IGSF21: variants seen among roughly 807,000 people sequenced by gnomAD.
The protein encoded by IGSF21 is immunoglobulin superfamily member 21.
Under a neutral mutation model 46.8 loss-of-function variants are expected in IGSF21, and 28 were observed. That is an observed-to-expected ratio of 0.60 (90% CI 0.44 to 0.82). The LOEUF (loss-of-function observed/expected upper bound fraction) is 0.82. Among genes scored for constraint, IGSF21 ranks in the 40% least tolerant of loss-of-function variants. IGSF21 has a pLI of 0.00. For missense variants in IGSF21, 624 were observed against 665.5 expected, an observed-to-expected ratio of 0.94 and a Z score of 0.69; for synonymous variants, 284 against 273.6, an observed-to-expected ratio of 1.04 and a Z score of -0.38.
chr1:18,337,084 C>G lies in IGSF21; in HGVS notation c.424+2074C>G, dbSNP rs2085776692. On this transcript the variant is annotated intron_variant, in intron 4 of 9. Coordinates refer to ENST00000251296, the MANE Select transcript of IGSF21 (RefSeq NM_032880.5). This position sits in a 1 kb window ranked among gnomAD's most constrained non-coding sequence, Gnocchi z 5.7. The stretch of plus-strand genomic sequence containing the variant: ...AGATGAGATTTGAGTTGGGACACAG[C>G]CAAACCATATCATGTATCATCAGAG... Among the ~76,000 whole-genome samples, 1 of 152,154 alleles carries G rather than the reference C, an allele frequency of 6.6e-6. No individual in the cohort carries two copies. The highest frequency in any genetic ancestry group is 1.5e-5 in the Non-Finnish European group (1 of 68,022).
chr1:18,204,087 G>A (rs1032907899), intron 1 of IGSF21, among the ~76,000 whole-genome samples: 7 of 152,076 alleles, frequency 4.6e-5, no homozygotes, highest in Admixed American at 6.6e-5. Flanking sequence ...GCCTGGCAGC[G>A]CTTAGCACAT....
At chr1:18,326,579 G>A (rs1361126812) in intron 3 of IGSF21, among the ~76,000 whole-genome samples, 1 of 152,240 alleles carries the variant, frequency 6.6e-6, no homozygotes, top group Non-Finnish European at 1.5e-5. Context: ...AGCCCAGAAT[G>A]AGATACTGTG....
intron 2 of IGSF21, among the ~76,000 whole-genome samples, chr1:18,252,300 C>T (rs981590552): frequency 8.5e-4 from 129 of 152,130 alleles, no homozygotes; most frequent in Non-Finnish European, 4.3e-4. Context: ...CCACCCACCT[C>T]GGCCTCCCAA....
At chr1:18,116,628 T>A (rs2086192322) in intron 1 of IGSF21, among the ~76,000 whole-genome samples, 1 of 152,136 alleles carries the variant, frequency 6.6e-6, no homozygotes, top group African/African-American at 2.4e-5. Flanking sequence ...TCACTTCCAT[T>A]AATTAAGCAG....
intron 2 of IGSF21, among the ~76,000 whole-genome samples, chr1:18,229,985 G>A (rs1397127985): frequency 6.6e-6 from 1 of 152,250 alleles, no homozygotes; most frequent in African/African-American, 2.4e-5. Context: ...ATGGAAGGAA[G>A]TTTGGAGATG....
At chr1:18,346,496 C>A (rs1484899978) in intron 4 of IGSF21, among the ~76,000 whole-genome samples, 6 of 151,986 alleles carry the variant, frequency 3.9e-5, no homozygotes, top group Admixed American at 3.9e-4. Context: ...CAACTTAGGA[C>A]AATAAATGCA....
chr1:18,252,707 C>G (rs1020532109), intron 2 of IGSF21, among the ~76,000 whole-genome samples: 5 of 152,158 alleles, frequency 3.3e-5, no homozygotes, highest in Admixed American at 2.6e-4. Context: ...CTTGCCCACC[C>G]AAATCTGTCT....
At chr1:18,283,999 A>T (rs375180531) in intron 2 of IGSF21, among the ~76,000 whole-genome samples, 1 of 152,226 alleles carries the variant, frequency 6.6e-6, no homozygotes, top group Non-Finnish European at 1.5e-5. Context: ...CCTGGGCTTC[A>T]GGCTCCACTG....
intron 3 of IGSF21, among the ~76,000 whole-genome samples, chr1:18,300,957 C>T (rs1235895690): frequency 1.3e-5 from 2 of 152,214 alleles, no homozygotes; most frequent in African/African-American, 4.8e-5. Context: ...GTCCTCCATG[C>T]TCAGCCCAGC....
chr1:18,355,069 T>C (rs1221624481), intron 4 of IGSF21, among the ~76,000 whole-genome samples: 1 of 152,236 alleles, frequency 6.6e-6, no homozygotes, highest in African/African-American at 2.4e-5. Context: ...CCCAAAGTTC[T>C]ATGGGATGTT....
chr1:18,164,316 C>T (rs1377790013), intron 1 of IGSF21, among the ~76,000 whole-genome samples: 2 of 151,946 alleles, frequency 1.3e-5, no homozygotes, highest in Admixed American at 6.6e-5. Context: ...TCTTCCCTCC[C>T]TCTCTTCCTT....
intron 5 of IGSF21, among the ~76,000 whole-genome samples, chr1:18,362,754 G>A (rs1235361371): frequency 6.6e-6 from 1 of 152,168 alleles, no homozygotes; most frequent in Non-Finnish European, 1.5e-5. Flanking sequence ...GGAAGAGAGA[G>A]GAAATTCCTT....
chr1:18,308,458 CAA>C (rs1374213734), intron 3 of IGSF21, among the ~76,000 whole-genome samples: 1 of 152,176 alleles, frequency 6.6e-6, no homozygotes, highest in Non-Finnish European at 1.5e-5. Flanking sequence ...CACACACACA[CAA>C]AGAGTTTAGG....
intron 6 of IGSF21, among the ~76,000 whole-genome samples, chr1:18,371,946 T>C (rs962668290): frequency 2.6e-5 from 4 of 152,242 alleles, no homozygotes; most frequent in Non-Finnish European, 5.9e-5. Context: ...TGAACTGGCT[T>C]GAACAATTCA....
chr1:18,201,257 A>G (rs2087071465), intron 1 of IGSF21, among the ~76,000 whole-genome samples: 1 of 152,132 alleles, frequency 6.6e-6, no homozygotes, highest in South Asian at 2.1e-4. Context: ...CCTGGAGGTC[A>G]GGCTTTAAGG....
At chr1:18,214,687 C>A (rs971124902) in intron 1 of IGSF21, among the ~76,000 whole-genome samples, 1 of 152,080 alleles carries the variant, frequency 6.6e-6, no homozygotes, top group African/African-American at 2.4e-5. Flanking sequence ...TACATGCAGG[C>A]AGGAGAGAGA....
chr1:18,298,713 G>A (rs2085334529), intron 3 of IGSF21, among the ~76,000 whole-genome samples: 1 of 152,208 alleles, frequency 6.6e-6, no homozygotes, highest in Admixed American at 6.5e-5. Flanking sequence ...GAGGTGCATC[G>A]GTTCACATGT....
At chr1:18,164,911 T>C (rs901457682) in intron 1 of IGSF21, among the ~76,000 whole-genome samples, 1 of 112,320 alleles carries the variant, frequency 8.9e-6, no homozygotes, top group Non-Finnish European at 1.7e-5. Flanking sequence ...CAGGCCCTAG[T>C]GTGTGATGTT....
chr1:18,347,372 T>G (rs2085904727), intron 4 of IGSF21, among the ~76,000 whole-genome samples: 2 of 152,160 alleles, frequency 1.3e-5, no homozygotes, highest in South Asian at 4.1e-4. Flanking sequence ...GCGCTGAGAT[T>G]GGAGCTCAGG....
Sources: allele counts gnomAD v4.1 joint callset (sites outside exome capture counted in the v4.1 genomes callset), GRCh38; gene constraint gnomAD v4.1.1; non-coding constraint Gnocchi (gnomAD v3.1); transcripts MANE v1.5; gene names NCBI Gene and HGNC (gene_info 2026-07-23, HGNC 2026-07-21).